PTPRD: variants seen among roughly 807,000 people sequenced by gnomAD.
PTPRD encodes the protein receptor-type tyrosine-protein phosphatase delta.
Under a neutral mutation model 214.5 loss-of-function variants are expected in PTPRD, and 34 were observed. The ratio of observed to expected loss-of-function variants is 0.16; its 90% CI spans 0.12 to 0.21. The LOEUF (loss-of-function observed/expected upper bound fraction) is 0.21. PTPRD is among the 10% of genes least tolerant of loss of function. PTPRD has a pLI of 1.00. For synonymous variants in PTPRD, 1,128 were observed against 845.7 expected (o/e 1.33, Z -5.79); for missense variants, 2,545 against 2,398.7 (o/e 1.06, Z -1.27).
At chr9:10,068,071 TA>T (rs909253184) in intron 3 of PTPRD, among the ~76,000 whole-genome samples, 3 of 151,844 alleles carry the variant, frequency 2.0e-5, no homozygotes, top group Non-Finnish European at 4.4e-5. Flanking sequence ...CCAGTTCTGG[TA>T]AAAAAATAAT....
chr9:9,974,209 T>C (rs1417649529), intron 4 of PTPRD, among the ~76,000 whole-genome samples: 1 of 152,220 alleles, frequency 6.6e-6, no homozygotes, highest in African/African-American at 2.4e-5. Flanking sequence ...TATGTAACGA[T>C]TACATAGCCT....
At chr9:8,566,621 G>T (rs2089327220) in intron 14 of PTPRD, among the ~76,000 whole-genome samples, 1 of 152,160 alleles carries the variant, frequency 6.6e-6, no homozygotes, top group African/African-American at 2.4e-5. Flanking sequence ...GAAGCTTCTT[G>T]AGGGCAGGAT....
rs76188324 is a variant in PTPRD, at chr9:9,941,738, G to A, written c.-471-3128C>T. Reference sequence around the variant, plus strand: ...GACAACTGGTGCATGGTGGAGAGTAGAACAACTCTGAAGAAGAGGTCCCAA... The same window carrying A: ...GACAACTGGTGCATGGTGGAGAGTAAAACAACTCTGAAGAAGAGGTCCCAA... On this transcript the variant is annotated intron_variant, in intron 4 of 45. Transcript: ENST00000381196. Among the ~76,000 whole-genome samples, 773 of 152,236 alleles carry A rather than the reference G, an allele frequency of 5.1e-3. 37 individuals are homozygous for A. The East Asian group carries it at 0.14, about 27-fold the overall frequency.
chr9:9,613,474 T>C (rs1309644347), intron 7 of PTPRD, among the ~76,000 whole-genome samples: 1 of 152,100 alleles, frequency 6.6e-6, no homozygotes, highest in Non-Finnish European at 1.5e-5. Flanking sequence ...GATACATTCT[T>C]GCCCTTGTTG....
intron 8 of PTPRD, among the ~76,000 whole-genome samples, chr9:9,550,022 C>G (rs1026433911): frequency 6.6e-6 from 1 of 151,886 alleles, no homozygotes; most frequent in Non-Finnish European, 1.5e-5. Flanking sequence ...TTTGGTCAAA[C>G]CCCAAATTAA....
At chr9:8,547,476 G>C (rs1486327313) in intron 14 of PTPRD, among the ~76,000 whole-genome samples, 1 of 151,788 alleles carries the variant, frequency 6.6e-6, no homozygotes, top group Non-Finnish European at 1.5e-5. Context: ...AAACCAGTCT[G>C]TACAAAATAT....
At chr9:9,221,094 C>A (rs912099988) in intron 9 of PTPRD, among the ~76,000 whole-genome samples, 1 of 152,084 alleles carries the variant, frequency 6.6e-6, no homozygotes, top group Non-Finnish European at 1.5e-5. Flanking sequence ...CAACCAGGTA[C>A]AACTTTTTTC....
At position 9,365,553 on chromosome 9, in the gene PTPRD, G is replaced by T. The variant is rs766532934; in HGVS notation, c.-203+31896C>A. ...GTAGTTCTATAAAATTCCATTTATT[G>T]CAGGGGAGTATGGCCAATACAACTA... On this transcript the variant is annotated intron_variant, in intron 9 of 45. Transcript: ENST00000381196. Among the ~76,000 whole-genome samples the T allele has an allele frequency of 4.8e-4, 72 of 151,462 alleles. 1 individual carries two copies. Among genetic ancestry groups the T allele is most frequent in the Non-Finnish European group, 8.4e-4 (57 of 67,666 alleles).
chr9:9,940,192 G>T (rs1051444540), intron 4 of PTPRD, among the ~76,000 whole-genome samples: 2 of 152,128 alleles, frequency 1.3e-5, no homozygotes, highest in African/African-American at 4.8e-5. Context: ...TATATAGTGG[G>T]CCTCTTGGAG....
intron 2 of PTPRD, among the ~76,000 whole-genome samples, chr9:10,513,475 C>A (rs2048970546): frequency 6.6e-6 from 1 of 152,086 alleles, no homozygotes; most frequent in African/African-American, 2.4e-5. Context: ...TGGGAAGAAT[C>A]ATCAAAGAAG....
rs376024132 is a variant in PTPRD at position 10,208,457 on chromosome 9, T to C, written c.-545+132506A>G. The stretch of plus-strand genomic sequence containing the variant: ...TGAACCCGGGAGGCGGAGCTTGCAG[T>C]GAACGGAGATCGCGCCACTGCACTC... On this transcript the variant is annotated intron_variant, in intron 3 of 45. Transcript: ENST00000381196. 1.2e-3 allele frequency among the ~76,000 whole-genome samples: 187 copies of C among 152,272 alleles called. 3 individuals carry two copies. In the South Asian group the frequency reaches 0.036, roughly 29 times the overall value.
chr9:9,528,870 T>A (rs1397530239), intron 8 of PTPRD, among the ~76,000 whole-genome samples: 4 of 151,876 alleles, frequency 2.6e-5, no homozygotes, highest in South Asian at 4.1e-4. Context: ...AAATATAAAA[T>A]TTATACAATA....
At chr9:8,635,081 T>TTA (rs1393374403) in intron 13 of PTPRD, among the ~76,000 whole-genome samples, 17 of 147,566 alleles carry the variant, frequency 1.2e-4, no homozygotes, top group South Asian at 8.4e-4. Context: ...TAAATATATA[T>TTA]TATATATATA....
chr9:10,017,682 C>G (rs1446253315), intron 4 of PTPRD, among the ~76,000 whole-genome samples: 1 of 152,086 alleles, frequency 6.6e-6, no homozygotes, highest in East Asian at 1.9e-4. Flanking sequence ...TCCATCTTTT[C>G]TCTGGCAATC....
chr9:8,453,327 C>T (rs1429376168), intron 33 of PTPRD, among the ~76,000 whole-genome samples: 1 of 152,016 alleles, frequency 6.6e-6, no homozygotes, highest in Non-Finnish European at 1.5e-5. Context: ...CCATGCCTGG[C>T]TAATTTTTTG....
intron 7 of PTPRD, among the ~76,000 whole-genome samples, chr9:9,617,027 C>T (rs181389750): frequency 1.2e-4 from 18 of 152,268 alleles, no homozygotes; most frequent in African/African-American, 4.3e-4. Context: ...CAAGTGACCT[C>T]CCAGAATGAA....
intron 2 of PTPRD, among the ~76,000 whole-genome samples, chr9:10,383,100 T>C (rs1255757037): frequency 1.3e-5 from 2 of 151,894 alleles, no homozygotes; most frequent in Non-Finnish European, 2.9e-5. Context: ...TGGAAACATA[T>C]TGTGAACATA....
intron 3 of PTPRD, among the ~76,000 whole-genome samples, chr9:10,044,118 ATC>A (rs1385918274): frequency 6.6e-6 from 1 of 151,828 alleles, no homozygotes; most frequent in Non-Finnish European, 1.5e-5. Context: ...CACCCTGGCC[ATC>A]TACTGTTGAA....
intron 11 of PTPRD, among the ~76,000 whole-genome samples, chr9:8,924,140 C>G (rs542533556): frequency 1.2e-4 from 18 of 152,058 alleles, no homozygotes; most frequent in African/African-American, 4.3e-4. Context: ...AAATCCAGCA[C>G]TCACTCATCA....
Sources: allele counts gnomAD v4.1 joint callset (sites outside exome capture counted in the v4.1 genomes callset), GRCh38; gene constraint gnomAD v4.1.1; transcripts MANE v1.5; gene names NCBI Gene and HGNC (gene_info 2026-07-23, HGNC 2026-07-21).